TCF7L2: variants seen among roughly 807,000 people sequenced by gnomAD.
The protein encoded by TCF7L2 is transcription factor 7-like 2.
Under a neutral mutation model 77.9 loss-of-function variants are expected in TCF7L2, and 23 were observed. The ratio of observed to expected loss-of-function variants is 0.30; its 90% CI spans 0.21 to 0.42. The LOEUF is 0.42. Among genes scored for constraint, TCF7L2 ranks in the 10% least tolerant of loss-of-function variants. The pLI is 1.00. For synonymous variants in TCF7L2, 413 were observed against 340.2 expected, an observed-to-expected ratio of 1.21 and a Z score of -2.36; for missense variants, 654 against 793.1, an observed-to-expected ratio of 0.82 and a Z score of 2.11.
At chr10:113,007,916 G>A (rs555011568) in intron 4 of TCF7L2, among the ~76,000 whole-genome samples, 3 of 152,172 alleles carry the variant, frequency 2.0e-5, no homozygotes, top group East Asian at 1.9e-4. Flanking sequence ...CTGATTTAGC[G>A]AGGTGTTTCT....
intron 4 of TCF7L2, among the ~76,000 whole-genome samples, chr10:113,035,115 G>C (rs554225089): frequency 2.6e-4 from 40 of 152,234 alleles, no homozygotes; most frequent in African/African-American, 7.0e-4. Context: ...TGGAAAAGAG[G>C]GGGTAGTTAT....
chr10:113,145,939 C>A, intron 7 of TCF7L2, 72 bp from the exon 8 acceptor site: 1 of 1,313,552 alleles, frequency 7.6e-7, no homozygotes, highest in East Asian at 2.3e-5. Flanking sequence ...AGAACTTTTC[C>A]CTTTTCTTCT....
chr10:113,089,618 C>G (rs938362639), intron 5 of TCF7L2: 4 of 1,550,412 alleles, frequency 2.6e-6, no homozygotes, highest in Non-Finnish European at 2.6e-6. Context: ...TTACCTCTCT[C>G]TAGGGCAGGG....
intron 8 of TCF7L2, among the ~76,000 whole-genome samples, chr10:113,150,345 A>G (rs1294927966): frequency 2.0e-5 from 3 of 151,862 alleles, no homozygotes; most frequent in Admixed American, 2.0e-4. Context: ...TCTTTCCATA[A>G]AGGGATAGAA....
intron 4 of TCF7L2, among the ~76,000 whole-genome samples, chr10:113,025,106 G>A (rs2048914343): frequency 6.6e-6 from 1 of 151,972 alleles, no homozygotes; most frequent in African/African-American, 2.4e-5. Context: ...TGCCCAGGCT[G>A]AAGTACGGTG....
rs191528116 is a variant in TCF7L2, at chr10:113,047,189, G to A, written c.552+7063G>A. Among the ~76,000 whole-genome samples, 9 of 152,174 alleles carry A rather than the reference G, an allele frequency of 5.9e-5. No homozygotes were observed. In the East Asian group the frequency reaches 1.3e-3, roughly 23 times the overall value. ...CCCCTTTTATTATTTTCTTGGGATA[G>A]ACCCCAGGACAAAAGGTAGAAAAGA... is the stretch of plus-strand genomic sequence containing the variant. On this transcript the variant is annotated intron_variant, in intron 5 of 13. Transcript: ENST00000627217.
chr10:112,983,149 AG>A (rs1246518576), intron 4 of TCF7L2, among the ~76,000 whole-genome samples: 1 of 148,852 alleles, frequency 6.7e-6, no homozygotes, highest in Non-Finnish European at 1.5e-5. Flanking sequence ...TTTTTTTGTC[AG>A]ATTTCTGTTG....
At chr10:112,979,403 A>AAC (rs2040056116) in intron 4 of TCF7L2, among the ~76,000 whole-genome samples, 1 of 152,196 alleles carries the variant, frequency 6.6e-6, no homozygotes, top group African/African-American at 2.4e-5. Context: ...CAAATTCGTT[A>AAC]GGATTTTATA....
At chr10:113,165,499 C>T (rs2137640101) in intron 13 of TCF7L2, 56 bp from the exon 15 acceptor site, 2 of 1,582,254 alleles carry the variant, frequency 1.3e-6, no homozygotes. Context: ...TTAGGTAACT[C>T]TCTCCCTTGG....
At chr10:113,035,011 C>T (rs940734991) in intron 4 of TCF7L2, among the ~76,000 whole-genome samples, 1 of 151,576 alleles carries the variant, frequency 6.6e-6, no homozygotes, top group Non-Finnish European at 1.5e-5. Context: ...CTCTTTCCTT[C>T]CTTTCTTTTC....
At chr10:113,125,451 T>C (rs149844419) in intron 5 of TCF7L2, 2 of 152,158 alleles carry the variant, frequency 1.3e-5, no homozygotes, top group African/African-American at 4.8e-5. Flanking sequence ...CCCAGTCTCT[T>C]GGGAGACACC....
chr10:113,060,475 G>A (rs1434753977), intron 5 of TCF7L2, among the ~76,000 whole-genome samples: 1 of 152,114 alleles, frequency 6.6e-6, no homozygotes, highest in African/African-American at 2.4e-5. Context: ...TAATAAATGG[G>A]GGGGTCAGGG....
chr10:112,955,592 C>G (rs1469667526), intron 3 of TCF7L2, among the ~76,000 whole-genome samples: 1 of 152,188 alleles, frequency 6.6e-6, no homozygotes, highest in Non-Finnish European at 1.5e-5. Flanking sequence ...GGAGCTTTGA[C>G]TGATGCCCTC....
At chr10:112,976,538 C>G (rs1346148540) in intron 4 of TCF7L2, among the ~76,000 whole-genome samples, 2 of 152,160 alleles carry the variant, frequency 1.3e-5, no homozygotes, top group Admixed American at 6.5e-5. Flanking sequence ...CCTGTAGCAC[C>G]ATGCACTAAT....
At chr10:113,000,253 T>C (rs1033410097) in intron 4 of TCF7L2, among the ~76,000 whole-genome samples, 10 of 152,104 alleles carry the variant, frequency 6.6e-5, no homozygotes, top group African/African-American at 1.7e-4. Flanking sequence ...AGGCACCATC[T>C]TGGGGAGCAA....
At position 112,964,632 on chromosome 10, in the gene TCF7L2, A is replaced by G; in HGVS notation, c.450+8A>G. 1 of 1,612,014 alleles carries G rather than the reference A, an allele frequency of 6.2e-7. No individual in the cohort carries two copies. The highest frequency in any genetic ancestry group is 1.1e-5 in the South Asian group (1 of 91,062). ...CACCAGATTGCAGTTCAGGTAGGAA[A>G]CGCAAGAGATTCTGAAGCTTGAATT... On this transcript the variant is annotated splice_region_variant and intron_variant, in intron 4 of 13. Coordinates refer to ENST00000627217, the MANE Select transcript of TCF7L2 (RefSeq NM_001146274.2).
intron 5 of TCF7L2, among the ~76,000 whole-genome samples, chr10:113,056,942 G>A (rs1468332323): frequency 2.0e-5 from 3 of 152,156 alleles, no homozygotes; most frequent in South Asian, 4.1e-4. Context: ...CAGACTCTGC[G>A]TTTTCCAGGA....
At chr10:113,124,081 G>A (rs2065202432) in intron 5 of TCF7L2, among the ~76,000 whole-genome samples, 1 of 152,194 alleles carries the variant, frequency 6.6e-6, no homozygotes, top group African/African-American at 2.4e-5. Flanking sequence ...TGGCAGAGAT[G>A]ACATCAGTGG....
At chr10:113,059,910 T>G (rs1466136097) in intron 5 of TCF7L2, among the ~76,000 whole-genome samples, 5 of 152,018 alleles carry the variant, frequency 3.3e-5, no homozygotes, top group East Asian at 1.9e-4. Flanking sequence ...ATTTTTGGGG[T>G]GTGTGTGTGT....
Sources: gnomAD v4.1 joint callset for allele counts (sites outside exome capture counted in the v4.1 genomes callset) on GRCh38, gnomAD v4.1.1 for gene constraint, MANE v1.5 for transcripts, NCBI Gene and HGNC (gene_info 2026-07-23, HGNC 2026-07-21) for gene names.